Variants in OR2I1 observed in about 807,000 individuals in gnomAD.
OR2I1 encodes putative olfactory receptor 2I1.
the OR2I1 span, chr6:29,553,605 G>T: frequency 5.0e-6 from 2 of 398,240 alleles, no homozygotes. Context: ...GCCGCCCGCT[G>T]CGCTATGCGG....
chr6:29,551,318 A>T, the OR2I1 span, among the ~76,000 whole-genome samples: 2 of 152,222 alleles, frequency 1.3e-5, no homozygotes, highest in Non-Finnish European at 2.9e-5. Context: ...AAGACTTTGC[A>T]TGTCCTTTCA....
the OR2I1 span, chr6:29,555,892 A>G: frequency 2.5e-6 from 4 of 1,612,960 alleles, no homozygotes; most frequent in South Asian, 4.4e-5. Flanking sequence ...ACCCTCCAAT[A>G]CAATAACATG....
the OR2I1 span, chr6:29,552,951 A>G: frequency 3.3e-6 from 1 of 305,344 alleles, no homozygotes; most frequent in Non-Finnish European, 6.0e-6. Context: ...TGTTGCATAA[A>G]TAAACACAGA....
At chr6:29,553,939 T>C in the OR2I1 span, 5 of 398,822 alleles carry the variant, frequency 1.3e-5, no homozygotes, top group East Asian at 1.8e-4. Context: ...GGTGGGCACG[T>C]GTGGGTCCCA....
At chr6:29,556,476 G>C in the OR2I1 span, 8 of 638,144 alleles carry the variant, frequency 1.3e-5, no homozygotes, top group Admixed American at 2.4e-4. Flanking sequence ...TCAGTAGCCA[G>C]TGTCCCTCTC....
chr6:29,557,063 T>A, the OR2I1 span: 1 of 152,180 alleles, frequency 6.6e-6, no homozygotes, highest in East Asian at 1.9e-4. Flanking sequence ...CCAGCAAAGT[T>A]AGAGATTATA....
the OR2I1 span, chr6:29,552,775 G>A: frequency 6.5e-6 from 1 of 153,560 alleles, no homozygotes; most frequent in African/African-American, 2.4e-5. Context: ...CTTCTGATTG[G>A]TTGAGCTTAA....
At chr6:29,552,824 C>T in the OR2I1 span, 5 of 159,326 alleles carry the variant, frequency 3.1e-5, no homozygotes, top group African/African-American at 1.2e-4. Context: ...ACAAGAAATA[C>T]CACAAATAAA....
the OR2I1 span, chr6:29,556,464 A>G: frequency 2.9e-6 from 2 of 693,512 alleles, no homozygotes; most frequent in Non-Finnish European, 4.8e-6. Context: ...TCTAGCTCCT[A>G]TTCAGTAGCC....
At chr6:29,556,021 G>C in the OR2I1 span, 1 of 1,613,034 alleles carries the variant, frequency 6.2e-7, no homozygotes, top group Non-Finnish European at 8.5e-7. Flanking sequence ...TCTTAGTCTC[G>C]ATCATTGCTT....
the OR2I1 span, among the ~76,000 whole-genome samples, chr6:29,551,828 C>T: frequency 2.6e-5 from 4 of 152,216 alleles, no homozygotes; most frequent in South Asian, 2.1e-4. Context: ...GGCAGTCTGG[C>T]TGCTGAGCCC....
At chr6:29,555,615 CT>C in the OR2I1 span, 1 of 462,012 alleles carries the variant, frequency 2.2e-6, no homozygotes, top group South Asian at 4.5e-5. Flanking sequence ...TCCAAGCTGG[CT>C]TTGAATGCTC....
At chr6:29,556,340 C>A in the OR2I1 span, 1 of 1,609,614 alleles carries the variant, frequency 6.2e-7, no homozygotes, top group East Asian at 2.2e-5. Flanking sequence ...TTCCTCGGAA[C>A]GGACATGCAC....
At chr6:29,551,544 C>A in the OR2I1 span, among the ~76,000 whole-genome samples, 93,811 of 152,172 alleles carry the variant, frequency 0.62, 29,589 homozygotes, top group South Asian at 0.78. Context: ...ATGAAAAGAG[C>A]TGTAAATGTT....
chr6:29,556,275 C>T, the OR2I1 span: 1 of 1,613,070 alleles, frequency 6.2e-7, no homozygotes, highest in South Asian at 1.1e-5. Context: ...CGGACATGTT[C>T]TTTGATTTTT....
chr6:29,556,148 G>A, the OR2I1 span: 109 of 1,612,984 alleles, frequency 6.8e-5, no homozygotes, highest in Middle Eastern at 1.6e-4. Context: ...CACTTTCAGG[G>A]TAAGGTGGAT....
chr6:29,555,707 C>G, the OR2I1 span: 2 of 587,628 alleles, frequency 3.4e-6, no homozygotes, highest in South Asian at 4.6e-5. Flanking sequence ...GTGTTAGAAT[C>G]AAAGAAACAT....
At chr6:29,553,027 T>G in the OR2I1 span, 3 of 387,380 alleles carry the variant, frequency 7.7e-6, no homozygotes, top group Non-Finnish European at 9.1e-6. Context: ...CTTGGAGTGT[T>G]GCTCTTATTC....
chr6:29,551,340 C>G, the OR2I1 span, among the ~76,000 whole-genome samples: 1 of 152,182 alleles, frequency 6.6e-6, no homozygotes, highest in African/African-American at 2.4e-5. Flanking sequence ...ACTCCACAGT[C>G]TCTAGCACAG....
Sources: gnomAD v4.1 joint callset for allele counts (sites outside exome capture counted in the v4.1 genomes callset) on GRCh38, gnomAD v4.1.1 for gene constraint, MANE v1.5 for transcripts, NCBI Gene and HGNC (gene_info 2026-07-23, HGNC 2026-07-21) for gene names.